The following ANKRD66 variants were observed in gnomAD, a reference collection of about 807,000 sequenced individuals.
ANKRD66 encodes ankyrin repeat domain-containing protein 66.
Under a neutral mutation model 10.9 loss-of-function variants are expected in ANKRD66, and 10 were observed. The ratio of observed to expected loss-of-function variants is 0.91; its 90% CI spans 0.56 to 1.55. The LOEUF is 1.55. Among genes scored for constraint, ANKRD66 ranks in the 40% most tolerant of loss-of-function variants. ANKRD66 has a pLI of 0.00. For missense variants in ANKRD66, 252 were observed against 242.9 expected (o/e 1.04, Z -0.25); for synonymous variants, 85 against 88.4 (o/e 0.96, Z 0.22).
At position 46,758,707 on chromosome 6, in the gene ANKRD66, C is replaced by T. The variant is rs1766426162; in HGVS notation, c.393-16C>T. On this transcript the variant is annotated splice_polypyrimidine_tract_variant and intron_variant, in intron 4 of 4. Transcript: ENST00000565422. ...CCTCCTGATCCAAGTTCAGAAGGCT[C>T]TCTCTTCTTTCCTAGGGCAGAGCCC... 1 of 1,533,830 alleles carries T rather than the reference C, an allele frequency of 6.5e-7. No individual in the cohort carries two copies. Among genetic ancestry groups the T allele is most frequent in the Non-Finnish European group, 8.8e-7 (1 of 1,140,736 alleles).
At chr6:46,750,993 A>G (rs1372459568) in intron 2 of ANKRD66, among the ~76,000 whole-genome samples, 1 of 152,200 alleles carries the variant, frequency 6.6e-6, no homozygotes, top group East Asian at 1.9e-4. Flanking sequence ...TTTTCTAAAC[A>G]TGCACACATT....
chr6:46,749,556 C>CCCA (rs1766220395), intron 1 of ANKRD66, among the ~76,000 whole-genome samples: 1 of 88,584 alleles, frequency 1.1e-5, no homozygotes, highest in African/African-American at 4.7e-5. Flanking sequence ...TTATTCCCCC[C>CCCA]CCCCCCCCCC....
In ANKRD66 at chr6:46,752,082, G is replaced by A. The variant is rs185467620; in HGVS notation, c.134G>A (p.Arg45Gln). The part of the protein sequence containing the change: ...PNYKDVDWND[R>Q]TPLHWAAIKG... ...TACAAAGATGTAGACTGGAATGACC[G>A]GACCCCACTTCACTGGGCTGCAATC... The change falls in exon 3 of 5, where the codon CGG (arginine) becomes CAG (glutamine). Residue 45 changes from arginine to glutamine, a missense_variant. Physicochemically the swap from Arg to Gln is conservative, Grantham distance 43. Transcript: ENST00000565422. The A allele has an allele frequency of 2.5e-4, 372 of 1,509,742 alleles. 6 individuals carry two copies. The Admixed American group carries it at 7.9e-3, about 32-fold the overall frequency. 93.5% of individuals were successfully genotyped at this position (1,509,742 alleles called of 1,614,324 possible).
At chr6:46,754,625 C>T (rs1305139190) in intron 4 of ANKRD66, among the ~76,000 whole-genome samples, 1 of 151,958 alleles carries the variant, frequency 6.6e-6, no homozygotes, top group Non-Finnish European at 1.5e-5. Context: ...GCTTGGAAAC[C>T]AAATGATATA....
chr6:46,751,993 T>C lies in ANKRD66; in HGVS notation c.45T>C (p.Ala15=), dbSNP rs1394452329. 7 of 1,513,646 alleles carry C rather than the reference T, an allele frequency of 4.6e-6. No individual in the cohort carries two copies. Among genetic ancestry groups the C allele is most frequent in the Non-Finnish European group, 6.2e-6 (7 of 1,132,166 alleles). The allele number at this position is 1,513,646 out of a possible 1,614,324, so 93.8% of individuals were successfully genotyped here. Residue 15 remains alanine (A), a synonymous_variant, in exon 3 of 5, where the codon GCT becomes GCC. Transcript: ENST00000565422. ...CAGACATGACAAAGCTTCACCAAGC[T>C]GTGGCTGCAGGAGACTACAGCTTAG... ...KMSDMTKLHQ[A]VAAGDYSLVK...
chr6:46,749,774 A>T, intron 1 of ANKRD66, 122 bp from the exon 2 acceptor site: 1 of 1,246,378 alleles, frequency 8.0e-7, no homozygotes, highest in Non-Finnish European at 1.1e-6. Flanking sequence ...GACCCAGCTT[A>T]GGCCACTTTT....
At chr6:46,750,006 T>C in intron 2 of ANKRD66, 27 bp downstream of exon 2, 1 of 1,272,496 alleles carries the variant, frequency 7.9e-7, no homozygotes, top group Non-Finnish European at 1.1e-6. Context: ...GCACAATAAT[T>C]TGCATTTCTA....
chr6:46,758,710 T>C lies in ANKRD66; in HGVS notation c.393-13T>C, dbSNP rs1766426261. The C allele has an allele frequency of 6.5e-7, 1 of 1,534,992 alleles. No homozygotes were observed. The highest frequency in any genetic ancestry group is 1.4e-5 in the African/African-American group (1 of 71,852). On this transcript the variant is annotated splice_polypyrimidine_tract_variant and intron_variant, in intron 4 of 4. Coordinates refer to ENST00000565422, the MANE Select transcript of ANKRD66 (RefSeq NM_001162435.3). ...CCTGATCCAAGTTCAGAAGGCTCTC[T>C]CTTCTTTCCTAGGGCAGAGCCCGAG... is the stretch of plus-strand genomic sequence containing the variant.
intron 1 of ANKRD66, among the ~76,000 whole-genome samples, chr6:46,747,211 T>C (rs1293938648): frequency 1.3e-5 from 2 of 152,186 alleles, no homozygotes; most frequent in Non-Finnish European, 2.9e-5. Flanking sequence ...AATGCCAAGC[T>C]AGTGAGTTGT....
At chr6:46,747,140 C>T (rs1766161313) in intron 1 of ANKRD66, 150 bp downstream of exon 1, 1 of 726,572 alleles carries the variant, frequency 1.4e-6, no homozygotes. Flanking sequence ...AAATCAAGTG[C>T]ATTTAATCAA....
Position 46,759,325 on chromosome 6 carries a change from A to T in ANKRD66, c.*404A>T, listed in dbSNP as rs1232209117. 1 of 154,694 alleles carries T rather than the reference A, an allele frequency of 6.5e-6. No individual in the cohort carries two copies. The highest frequency in any genetic ancestry group is 1.9e-4 in the East Asian group (1 of 5,272). 9.6% of individuals were successfully genotyped at this position (154,694 alleles called of 1,614,324 possible). ...TTCAACTGTAAATTTGGGAAAATTA[A>T]ATTCAGATCAGATAATTCCAATAAA... On this transcript the variant is annotated 3_prime_UTR_variant, in exon 5 of 5. Transcript: ENST00000565422.
intron 3 of ANKRD66, 69 bp from the exon 4 acceptor site, chr6:46,753,653 G>A (rs907914612): frequency 1.4e-6 from 2 of 1,427,524 alleles, no homozygotes; most frequent in Non-Finnish European, 1.9e-6. Flanking sequence ...ACCTAGACTG[G>A]CCCTGGCCTC....
chr6:46,747,981 GTATAAAAAT>G (rs1451570649), intron 1 of ANKRD66, among the ~76,000 whole-genome samples: 2 of 152,158 alleles, frequency 1.3e-5, no homozygotes, highest in Non-Finnish European at 2.9e-5. Context: ...TTGTTGTCAA[GTATAAAAAT>G]TAACTCAAAA....
Position 46,752,010 on chromosome 6 carries a change from A to G in ANKRD66, c.62A>G (p.Tyr21Cys), listed in dbSNP as rs917014466. 4 of 1,534,974 alleles carry G rather than the reference A, an allele frequency of 2.6e-6. No individual in the cohort carries two copies. Among genetic ancestry groups the G allele is most frequent in the Admixed American group, 4.1e-5 (2 of 48,366 alleles). The change falls in exon 3 of 5, where the codon TAC becomes TGC. Residue 21 changes from tyrosine (Y) to cysteine (C), a missense_variant. By Grantham distance (194) the Tyr-to-Cys change is radical (BLOSUM62 -2). Transcript: ENST00000565422. Reference sequence around the variant, plus strand: ...CACCAAGCTGTGGCTGCAGGAGACTACAGCTTAGTGAAGAAGATTTTGAAG... The same window carrying G: ...CACCAAGCTGTGGCTGCAGGAGACTGCAGCTTAGTGAAGAAGATTTTGAAG... ...KLHQAVAAGD[Y>C]SLVKKILKKG...
intron 1 of ANKRD66, among the ~76,000 whole-genome samples, 160 bp downstream of exon 1, chr6:46,747,150 A>T (rs1766161406): frequency 6.6e-6 from 1 of 152,106 alleles, no homozygotes; most frequent in Non-Finnish European, 1.5e-5. Flanking sequence ...CATTTAATCA[A>T]ATTCACAAGG....
Position 46,753,834 on chromosome 6 carries a change from A to G in ANKRD66, c.276A>G (p.Ile92Met). The G allele has an allele frequency of 6.4e-7, 1 of 1,551,596 alleles. No individual in the cohort carries two copies. Among genetic ancestry groups the G allele is most frequent in the Non-Finnish European group, 8.7e-7 (1 of 1,146,980 alleles). ...HFAAEAGHLN[I>M]LKTLHALHAA... is the part of the protein sequence containing the mutation. The stretch of plus-strand genomic sequence containing the variant: ...CAGCAGAAGCAGGCCATCTGAATAT[A>G]CTCAAAACTCTCCATGCATTGCACG... Residue 92 changes from isoleucine (I) to methionine (M), a missense_variant, in exon 4 of 5, where the codon ATA (isoleucine) becomes ATG (methionine). Transcript: ENST00000565422.
chr6:46,747,029 T>C, intron 1 of ANKRD66, 39 bp downstream of exon 1: 15 of 1,524,468 alleles, frequency 9.8e-6, no homozygotes, highest in Non-Finnish European at 1.3e-5. Flanking sequence ...TTTACTATAG[T>C]TATTAAAAAT....
At chr6:46,758,649 T>G in intron 4 of ANKRD66, 74 bp from the exon 5 acceptor site, 1 of 1,403,280 alleles carries the variant, frequency 7.1e-7, no homozygotes. Context: ...GCAGAACCTG[T>G]GAATAAAGGC....
At chr6:46,751,687 C>A (rs915331941) in intron 2 of ANKRD66, among the ~76,000 whole-genome samples, 13 of 152,086 alleles carry the variant, frequency 8.5e-5, no homozygotes, top group Non-Finnish European at 1.8e-4. Flanking sequence ...GGTTTGAGGC[C>A]AGGTAGCCCG....
Sources: allele counts gnomAD v4.1 joint callset (sites outside exome capture counted in the v4.1 genomes callset), GRCh38; gene constraint gnomAD v4.1.1; transcripts MANE v1.5; gene names NCBI Gene and HGNC (gene_info 2026-07-23, HGNC 2026-07-21).